Variants in ZMAT4 observed in about 807,000 individuals in gnomAD.
The protein encoded by ZMAT4 is zinc finger matrin-type 4.
ZMAT4 carries 17 observed loss-of-function variants against 28.7 expected under a neutral mutation model. The ratio of observed to expected loss-of-function variants is 0.59; its 90% CI spans 0.41 to 0.89. ZMAT4 has a LOEUF of 0.89. Ranked by LOEUF, ZMAT4 falls within the 40% of genes least tolerant of loss-of-function variation. ZMAT4 has a pLI of 0.00. For synonymous variants in ZMAT4, 117 were observed against 109.2 expected (o/e 1.07, Z -0.44); for missense variants, 240 against 283.8 (o/e 0.85, Z 1.11).
At chr8:40,890,449 C>G (rs1445337886) in intron 1 of ZMAT4, among the ~76,000 whole-genome samples, 1 of 152,150 alleles carries the variant, frequency 6.6e-6, no homozygotes, top group South Asian at 2.1e-4. Context: ...TCTAGTGTAA[C>G]TTATGAAGTC....
chr8:40,882,457 G>A (rs899105969), intron 1 of ZMAT4, among the ~76,000 whole-genome samples: 1 of 152,144 alleles, frequency 6.6e-6, no homozygotes, highest in Admixed American at 6.5e-5. Context: ...AAGTGCTGGA[G>A]CTGTGAAAGT....
chr8:40,684,100 T>C (rs1809293964), intron 4 of ZMAT4, among the ~76,000 whole-genome samples: 1 of 152,016 alleles, frequency 6.6e-6, no homozygotes, highest in African/African-American at 2.4e-5. Context: ...TACTAAATTA[T>C]TGGGACATAA....
chr8:40,737,505 T>G lies in ZMAT4; in HGVS notation c.192+30136A>C, dbSNP rs149556614. On this transcript the variant is annotated intron_variant, in intron 3 of 6. Coordinates refer to ENST00000297737, the MANE Select transcript of ZMAT4 (RefSeq NM_024645.3). ...AGAGGAAAAAAATAAAGTGTTGTTT[T>G]AAATAATACTTGAATAATTGTTGGT... Among the ~76,000 whole-genome samples, 44 of 152,290 alleles carry G rather than the reference T, an allele frequency of 2.9e-4. No homozygotes were observed. In the East Asian group the frequency reaches 8.5e-3, roughly 29 times the overall value.
intron 1 of ZMAT4, among the ~76,000 whole-genome samples, chr8:40,892,061 C>T (rs989326481): frequency 4.6e-5 from 7 of 152,134 alleles, no homozygotes; most frequent in Admixed American, 3.9e-4. Context: ...ACGTGTGTGG[C>T]GGTGTGCACT....
At chr8:40,687,369 G>A (rs917986127) in intron 4 of ZMAT4, among the ~76,000 whole-genome samples, 1 of 152,184 alleles carries the variant, frequency 6.6e-6, no homozygotes, top group East Asian at 1.9e-4. Context: ...CTGTCCCGGG[G>A]AGGGCGGTTC....
At chr8:40,832,242 G>T (rs868683376) in intron 1 of ZMAT4, among the ~76,000 whole-genome samples, 2 of 152,158 alleles carry the variant, frequency 1.3e-5, no homozygotes, top group African/African-American at 4.8e-5. Context: ...GAAGAGCCTC[G>T]ACTGTCCAGG....
At chr8:40,865,500 G>A (rs1343374226) in intron 1 of ZMAT4, among the ~76,000 whole-genome samples, 1 of 152,160 alleles carries the variant, frequency 6.6e-6, no homozygotes, top group Non-Finnish European at 1.5e-5. Context: ...CTATGAGTGA[G>A]CCCAGGCCTC....
At chr8:40,764,709 G>C (rs538059628) in intron 3 of ZMAT4, among the ~76,000 whole-genome samples, 151 of 152,298 alleles carry the variant, frequency 9.9e-4, no homozygotes, top group African/African-American at 3.5e-3. Flanking sequence ...TGAGAATACA[G>C]CGTGCTAGTG....
In ZMAT4 at chr8:40,640,812, T is replaced by C. The variant is rs145462993; in HGVS notation, c.577+33892A>G. Among the ~76,000 whole-genome samples the C allele has an allele frequency of 1.1e-3, 169 of 151,320 alleles. 2 individuals are homozygous for C. In the East Asian group the frequency reaches 0.027, roughly 24 times the overall value. On this transcript the variant is annotated intron_variant, in intron 5 of 6. Transcript: ENST00000297737. ...CCATCTCTACTAAAAATACAAAAAT[T>C]AGCGGGCATGGTGGTGCATTCCTGT...
chr8:40,601,625 A>AGAAG (rs1725234414), intron 5 of ZMAT4, among the ~76,000 whole-genome samples: 3 of 25,722 alleles, frequency 1.2e-4, no homozygotes, highest in African/African-American at 3.0e-4. Context: ...AAAGAAAGAA[A>AGAAG]GAAAGAAAGA....
intron 2 of ZMAT4, among the ~76,000 whole-genome samples, chr8:40,799,732 T>C (rs1166015311): frequency 2.6e-5 from 4 of 152,106 alleles, no homozygotes; most frequent in African/African-American, 7.2e-5. Context: ...ATAGCAACAA[T>C]GTATTCAATT....
chr8:40,667,496 C>A (rs1808469630), intron 5 of ZMAT4, among the ~76,000 whole-genome samples: 1 of 152,120 alleles, frequency 6.6e-6, no homozygotes, highest in Non-Finnish European at 1.5e-5. Flanking sequence ...TTGCAATGAG[C>A]GCAAGTATTG....
chr8:40,568,352 C>T (rs1047449891), intron 6 of ZMAT4, among the ~76,000 whole-genome samples: 12 of 152,142 alleles, frequency 7.9e-5, no homozygotes, highest in Non-Finnish European at 1.3e-4. Context: ...CAGAAGACCA[C>T]AAGAAACTCA....
rs57458575 is a variant in ZMAT4, at chr8:40,833,540, CAAA to C, written c.-4-7863_-4-7861del. Among the ~76,000 whole-genome samples the C allele has an allele frequency of 1.2e-3, 103 of 87,046 alleles. 1 individual carries two copies. Among genetic ancestry groups the C allele is most frequent in the Middle Eastern group, 6.8e-3 (1 of 148 alleles). 57.1% of individuals were successfully genotyped at this position (87,046 alleles called of 152,430 possible). ...CCGAGATCATACCACTACACTCCAGCAAAAAAAAAAAAAAAAAAGACATGAAAT... is the reference window on the plus strand; with the variant it reads ...CCGAGATCATACCACTACACTCCAGCAAAAAAAAAAAAAAAGACATGAAAT... On this transcript the variant is annotated intron_variant, in intron 1 of 6. Transcript: ENST00000297737.
intron 2 of ZMAT4, among the ~76,000 whole-genome samples, chr8:40,780,571 G>A (rs1331862348): frequency 1.3e-5 from 2 of 151,796 alleles, no homozygotes; most frequent in African/African-American, 4.8e-5. Context: ...CAAAAATATT[G>A]GAATATATGA....
At chr8:40,621,567 G>T (rs762712742) in intron 5 of ZMAT4, among the ~76,000 whole-genome samples, 2 of 152,198 alleles carry the variant, frequency 1.3e-5, no homozygotes, top group East Asian at 1.9e-4. Context: ...AATTTCAAGC[G>T]CAAGGTTAGA....
chr8:40,891,386 T>C (rs908292544), intron 1 of ZMAT4, among the ~76,000 whole-genome samples: 1 of 151,278 alleles, frequency 6.6e-6, no homozygotes, highest in African/African-American at 2.4e-5. Flanking sequence ...GTTCTCTCCA[T>C]GGGCCATGTG....
chr8:40,848,247 A>G (rs1263707261), intron 1 of ZMAT4, among the ~76,000 whole-genome samples: 1 of 152,194 alleles, frequency 6.6e-6, no homozygotes, highest in Non-Finnish European at 1.5e-5. Context: ...ACCAGCCCAT[A>G]AGAAAGAACA....
intron 5 of ZMAT4, among the ~76,000 whole-genome samples, chr8:40,657,641 T>G (rs183843223): frequency 2.0e-5 from 3 of 152,336 alleles, no homozygotes; most frequent in African/African-American, 7.2e-5. Flanking sequence ...TACAGTAAGT[T>G]CTCACTTAAT....
Sources: allele counts gnomAD v4.1 joint callset (sites outside exome capture counted in the v4.1 genomes callset), GRCh38; gene constraint gnomAD v4.1.1; transcripts MANE v1.5; gene names NCBI Gene and HGNC (gene_info 2026-07-23, HGNC 2026-07-21).